TEC: variants seen among roughly 807,000 people sequenced by gnomAD.
TEC encodes tyrosine-protein kinase Tec.
In TEC, 72 loss-of-function variants were observed where a neutral mutation model predicts 93.0. That is an observed-to-expected ratio of 0.77 (90% CI 0.64 to 0.94). The LOEUF is 0.94. Among genes scored for constraint, TEC ranks in the 40% least tolerant of loss-of-function variants. The pLI is 0.00. For synonymous variants in TEC, 249 were observed against 247.7 expected, an observed-to-expected ratio of 1.01 and a Z score of -0.05; for missense variants, 630 against 757.9, an observed-to-expected ratio of 0.83 and a Z score of 1.98.
At chr4:48,244,328 G>C (rs1327128373) in intron 1 of TEC, among the ~76,000 whole-genome samples, 1 of 152,202 alleles carries the variant, frequency 6.6e-6, no homozygotes, top group African/African-American at 2.4e-5. Context: ...AGTTCCACGT[G>C]GCTGGGGAAG....
At chr4:48,262,813 C>T (rs143159280) in intron 1 of TEC, among the ~76,000 whole-genome samples, 50 of 152,310 alleles carry the variant, frequency 3.3e-4, no homozygotes, top group African/African-American at 1.0e-3. Context: ...CTGTCATCCT[C>T]CAAAGATAAA....
chr4:48,206,777 C>T (rs1177128321), intron 2 of TEC, among the ~76,000 whole-genome samples: 1 of 89,192 alleles, frequency 1.1e-5, no homozygotes, highest in Non-Finnish European at 2.4e-5. Flanking sequence ...CTCGTTGCTA[C>T]AAAAAAAAAA....
chr4:48,250,456 C>T (rs929149620), intron 1 of TEC, among the ~76,000 whole-genome samples: 5 of 152,184 alleles, frequency 3.3e-5, no homozygotes, highest in African/African-American at 1.2e-4. Flanking sequence ...TGGCAATGCC[C>T]TCCCACACTG....
At chr4:48,201,952 ATTT>A (rs780630248) in intron 2 of TEC, among the ~76,000 whole-genome samples, 8 of 116,536 alleles carry the variant, frequency 6.9e-5, no homozygotes, top group Admixed American at 9.1e-5. Flanking sequence ...ACTGTGGCTT[ATTT>A]TTTTTTTTTT....
At chr4:48,232,228 G>T (rs913524248) in intron 1 of TEC, among the ~76,000 whole-genome samples, 2 of 151,982 alleles carry the variant, frequency 1.3e-5, no homozygotes, top group African/African-American at 4.8e-5. Context: ...GGCAGAAGCT[G>T]CAGTGAGCAA....
chr4:48,155,244 C>CT (rs1720346578), intron 9 of TEC, among the ~76,000 whole-genome samples: 2 of 152,174 alleles, frequency 1.3e-5, no homozygotes, highest in Non-Finnish European at 2.9e-5. Flanking sequence ...AATGTTTCTT[C>CT]TATTGTAAAA....
At chr4:48,160,791 A>AG (rs1720610571) in intron 8 of TEC, among the ~76,000 whole-genome samples, 1 of 138,844 alleles carries the variant, frequency 7.2e-6, no homozygotes, top group Non-Finnish European at 1.6e-5. Flanking sequence ...AGAAAAGAAA[A>AG]GAAGAAAGAA....
intron 3 of TEC, among the ~76,000 whole-genome samples, chr4:48,172,880 T>A (rs4695347): frequency 6.6e-6 from 1 of 151,932 alleles, no homozygotes; most frequent in Non-Finnish European, 1.5e-5. Flanking sequence ...CAGAAGGAAC[T>A]ATGCACCGTG....
At chr4:48,200,081 G>A (rs1722448076) in intron 2 of TEC, among the ~76,000 whole-genome samples, 1 of 152,204 alleles carries the variant, frequency 6.6e-6, no homozygotes, top group Non-Finnish European at 1.5e-5. Context: ...ATTATACAGG[G>A]AAATCTAATC....
chr4:48,228,205 G>C (rs776726503), intron 2 of TEC, among the ~76,000 whole-genome samples: 2 of 152,092 alleles, frequency 1.3e-5, no homozygotes, highest in South Asian at 2.1e-4. Flanking sequence ...TTACAGGAGA[G>C]AGCCATATGT....
intron 1 of TEC, among the ~76,000 whole-genome samples, chr4:48,262,671 A>T (rs780047007): frequency 6.6e-6 from 1 of 152,162 alleles, no homozygotes; most frequent in Non-Finnish European, 1.5e-5. Flanking sequence ...GACTTCAAAG[A>T]CTTCGTTTAG....
At chr4:48,150,210 A>C (rs964506620) in intron 10 of TEC, among the ~76,000 whole-genome samples, 2 of 152,158 alleles carry the variant, frequency 1.3e-5, no homozygotes, top group Non-Finnish European at 2.9e-5. Context: ...TTCAACTCTG[A>C]GGCTTCTCTC....
At chr4:48,252,298 G>C (rs927534415) in intron 1 of TEC, among the ~76,000 whole-genome samples, 3 of 152,228 alleles carry the variant, frequency 2.0e-5, no homozygotes, top group Admixed American at 6.5e-5. Context: ...TGGTAGTGGT[G>C]GTGGTGCTGC....
At chr4:48,237,247 G>A (rs1409405670) in intron 1 of TEC, among the ~76,000 whole-genome samples, 2 of 151,740 alleles carry the variant, frequency 1.3e-5, no homozygotes, top group African/African-American at 2.4e-5. Flanking sequence ...TTGAACCCGG[G>A]AGGCAGAGGT....
intron 2 of TEC, among the ~76,000 whole-genome samples, chr4:48,212,804 A>C (rs1427688064): frequency 2.6e-5 from 4 of 152,252 alleles, no homozygotes; most frequent in Non-Finnish European, 5.9e-5. Flanking sequence ...CAGCAGAGGT[A>C]GCATAACAAA....
intron 1 of TEC, among the ~76,000 whole-genome samples, chr4:48,244,199 T>C (rs1723996043): frequency 6.6e-6 from 1 of 152,196 alleles, no homozygotes; most frequent in Non-Finnish European, 1.5e-5. Flanking sequence ...AATCCACATA[T>C]ACACGTTTCT....
intron 7 of TEC, among the ~76,000 whole-genome samples, chr4:48,164,161 G>C (rs1209669510): frequency 6.6e-6 from 1 of 152,190 alleles, no homozygotes; most frequent in East Asian, 1.9e-4. Context: ...CAGTTTTGCT[G>C]ATATGTGTTA....
At chr4:48,237,341 G>A (rs1192413350) in intron 1 of TEC, among the ~76,000 whole-genome samples, 1 of 150,106 alleles carries the variant, frequency 6.7e-6, no homozygotes, top group Non-Finnish European at 1.5e-5. Context: ...AAGAGAGAGA[G>A]AGAAAATAAT....
At chr4:48,211,398 A>C (rs1722892401) in intron 2 of TEC, among the ~76,000 whole-genome samples, 1 of 132,860 alleles carries the variant, frequency 7.5e-6, no homozygotes, top group Non-Finnish European at 1.6e-5. Flanking sequence ...TAAAAAAATC[A>C]CTCTGAGGTT....
Sources: gnomAD v4.1 joint callset for allele counts (sites outside exome capture counted in the v4.1 genomes callset) on GRCh38, gnomAD v4.1.1 for gene constraint, MANE v1.5 for transcripts, NCBI Gene and HGNC (gene_info 2026-07-23, HGNC 2026-07-21) for gene names.